PIP5K1B: variants seen among roughly 807,000 people sequenced by gnomAD.
PIP5K1B encodes phosphatidylinositol 4-phosphate 5-kinase type-1 beta.
A neutral mutation model predicts 67.0 loss-of-function variants in PIP5K1B; 42 were observed. The observed-to-expected ratio is 0.63, with a 90% confidence interval of 0.49 to 0.81. The LOEUF (loss-of-function observed/expected upper bound fraction) is 0.81. PIP5K1B is among the 30% of genes least tolerant of loss of function. The probability of loss-of-function intolerance (pLI) is 0.00; values close to 1 mark genes in which losing one functional copy is unlikely to be tolerated. For missense variants in PIP5K1B, 459 were observed against 646.3 expected, an observed-to-expected ratio of 0.71 and a Z score of 3.14; for synonymous variants, 214 against 231.4, an observed-to-expected ratio of 0.92 and a Z score of 0.68.
chr9:68,854,608 G>C (rs905195679), intron 4 of PIP5K1B, among the ~76,000 whole-genome samples: 7 of 152,128 alleles, frequency 4.6e-5, no homozygotes, highest in Non-Finnish European at 1.0e-4. Context: ...TTGCATTAAG[G>C]CCTTGACCTA....
chr9:68,719,003 T>A (rs527540844), intron 1 of PIP5K1B, among the ~76,000 whole-genome samples: 1 of 152,306 alleles, frequency 6.6e-6, no homozygotes, highest in South Asian at 2.1e-4. Context: ...TAAAAAAGGA[T>A]CAAAAGTAGT....
rs73647058 is a variant in PIP5K1B, at chr9:69,005,250, A to G, written c.1621-3197A>G. 7.8e-4 allele frequency among the ~76,000 whole-genome samples: 118 copies of G among 152,226 alleles called. 1 individual carries two copies. Among genetic ancestry groups the G allele is most frequent in the African/African-American group, 2.6e-3 (106 of 41,552 alleles). On this transcript the variant is annotated intron_variant, in intron 15 of 15. Coordinates refer to ENST00000265382, the MANE Select transcript of PIP5K1B (RefSeq NM_003558.4). The stretch of plus-strand genomic sequence containing the variant: ...ATTATAAGACCCTGTGTGTTTTTTT[A>G]TTAAACTATAAATTTAACCAATTTT...
chr9:68,938,554 C>T (rs1041115292), intron 13 of PIP5K1B, among the ~76,000 whole-genome samples: 1 of 152,070 alleles, frequency 6.6e-6, no homozygotes, highest in Admixed American at 6.6e-5. Context: ...TCCAATTTGC[C>T]AGTCTGTCTT....
chr9:68,780,555 T>A, intron 2 of PIP5K1B: 1 of 1,614,088 alleles, frequency 6.2e-7, no homozygotes, highest in Non-Finnish European at 8.5e-7. Flanking sequence ...CGTGGAGAAA[T>A]CCGCCTCCCC....
intron 2 of PIP5K1B, among the ~76,000 whole-genome samples, chr9:68,790,628 T>G (rs1434704010): frequency 6.6e-6 from 1 of 152,116 alleles, no homozygotes; most frequent in African/African-American, 2.4e-5. Context: ...ACGCACCCAC[T>G]CACTCACCCT....
At chr9:68,957,976 G>A (rs1053451816) in intron 14 of PIP5K1B, among the ~76,000 whole-genome samples, 1 of 151,788 alleles carries the variant, frequency 6.6e-6, no homozygotes, top group East Asian at 1.9e-4. Flanking sequence ...TGGCTCAAGC[G>A]ATTCTCCCAC....
chr9:68,745,985 A>T (rs1042755363), intron 2 of PIP5K1B, among the ~76,000 whole-genome samples: 5 of 151,876 alleles, frequency 3.3e-5, no homozygotes, highest in Non-Finnish European at 5.9e-5. Context: ...CACTAAATAT[A>T]TGTTGAATAA....
intron 4 of PIP5K1B, among the ~76,000 whole-genome samples, chr9:68,830,639 T>C (rs575719378): frequency 6.6e-6 from 1 of 152,246 alleles, no homozygotes; most frequent in South Asian, 2.1e-4. Context: ...ACGCGAACTA[T>C]AGGAAATCGT....
intron 6 of PIP5K1B, among the ~76,000 whole-genome samples, chr9:68,886,018 A>G (rs1478394205): frequency 6.6e-6 from 1 of 152,016 alleles, no homozygotes; most frequent in East Asian, 1.9e-4. Flanking sequence ...CATCTCTACT[A>G]AAAATACAAA....
At chr9:68,860,195 C>T (rs557756541) in intron 4 of PIP5K1B, among the ~76,000 whole-genome samples, 5 of 152,130 alleles carry the variant, frequency 3.3e-5, no homozygotes, top group Non-Finnish European at 7.4e-5. Context: ...TCTCCCCAAG[C>T]CCCCAGCCCC....
In PIP5K1B at chr9:68,917,463, G is replaced by A. The variant is rs74544940; in HGVS notation, c.772-85G>A. On this transcript the variant is annotated intron_variant, in intron 8 of 15. Transcript: ENST00000265382. ...GAGGAATAACAGGAGCTGTGTGTCTGTATATCTAGAGCTCTCTGATAATGA... is the reference window on the plus strand; with the variant it reads ...GAGGAATAACAGGAGCTGTGTGTCTATATATCTAGAGCTCTCTGATAATGA... The A allele has an allele frequency of 4.4e-3, 4,163 of 937,894 alleles. 86 individuals are homozygous for A. In the African/African-American group the frequency reaches 0.052, roughly 12 times the overall value. 58.1% of individuals were successfully genotyped at this position (937,894 alleles called of 1,614,324 possible). A position where few individuals can be genotyped will look rare whatever the true frequency, so the allele number is the denominator to read the frequency against.
rs1242976024 is a variant in PIP5K1B, at chr9:68,853,340, G to A, written c.70-10497G>A. Among the ~76,000 whole-genome samples, 3 of 152,164 alleles carry A rather than the reference G, an allele frequency of 2.0e-5. No homozygotes were observed. In the East Asian group the frequency reaches 5.8e-4, roughly 29 times the overall value. On this transcript the variant is annotated intron_variant, in intron 4 of 15. Coordinates refer to ENST00000265382, the MANE Select transcript of PIP5K1B (RefSeq NM_003558.4). ...AATGATCACCCCACTCTATGAAAGG[G>A]CCTGGCTGGCCCACTGTGAGATATG...
chr9:68,750,218 C>T (rs2132347452), intron 2 of PIP5K1B, among the ~76,000 whole-genome samples: 1 of 152,298 alleles, frequency 6.6e-6, no homozygotes, highest in Admixed American at 6.5e-5. Context: ...CAAACAGTAA[C>T]TTCTGTTGTA....
chr9:68,865,018 G>A (rs771416161), intron 5 of PIP5K1B, among the ~76,000 whole-genome samples: 19 of 152,064 alleles, frequency 1.2e-4, no homozygotes, highest in Non-Finnish European at 2.4e-4. Context: ...CCTGTTTGTG[G>A]ACATGCAGTA....
chr9:68,857,169 C>T (rs1822820908), intron 4 of PIP5K1B, among the ~76,000 whole-genome samples: 1 of 152,164 alleles, frequency 6.6e-6, no homozygotes, highest in South Asian at 2.1e-4. Context: ...GCAGCCTTGT[C>T]AAAACCCTGA....
intron 13 of PIP5K1B, chr9:68,936,077 G>T (rs1827252453): frequency 6.6e-6 from 1 of 152,148 alleles, no homozygotes; most frequent in Admixed American, 6.6e-5. Flanking sequence ...CAGAGATATT[G>T]ATATAGATTT....
chr9:68,824,203 C>T (rs1246154686), intron 4 of PIP5K1B: 1 of 518,866 alleles, frequency 1.9e-6, no homozygotes, highest in Non-Finnish European at 3.8e-6. Context: ...GTTATTACTT[C>T]AGATCAGTTT....
At chr9:68,716,642 A>G (rs896849541) in intron 1 of PIP5K1B, among the ~76,000 whole-genome samples, 1 of 152,208 alleles carries the variant, frequency 6.6e-6, no homozygotes. Context: ...TGGTTTGCAA[A>G]TTTGTTCAGC....
At chr9:68,872,496 A>T (rs1430662277) in intron 5 of PIP5K1B, among the ~76,000 whole-genome samples, 2 of 152,270 alleles carry the variant, frequency 1.3e-5, no homozygotes, top group Non-Finnish European at 2.9e-5. Flanking sequence ...AAGAGGAATC[A>T]GTTTATGGCT....
Sources: allele counts gnomAD v4.1 joint callset (sites outside exome capture counted in the v4.1 genomes callset), GRCh38; gene constraint gnomAD v4.1.1; transcripts MANE v1.5; gene names NCBI Gene and HGNC (gene_info 2026-07-23, HGNC 2026-07-21).